TRMT11: variants seen among roughly 807,000 people sequenced by gnomAD.
TRMT11 encodes tRNA (guanine(10)-N(2))-methyltransferase TRMT11.
A neutral mutation model predicts 62.8 loss-of-function variants in TRMT11; 53 were observed. The ratio of observed to expected loss-of-function variants is 0.84; its 90% confidence interval spans 0.68 to 1.06. The LOEUF (loss-of-function observed/expected upper bound fraction) is 1.06, where lower values mean the gene tolerates loss of function less well. Ranked by LOEUF, TRMT11 falls within the 50% of genes least tolerant of loss-of-function variation. The pLI, the probability that TRMT11 is intolerant of heterozygous loss-of-function variation, is 0.00. For missense variants in TRMT11, 556 were observed against 553.4 expected, an observed-to-expected ratio of 1.00 and a Z score of -0.05; for synonymous variants, 188 against 190.3, an observed-to-expected ratio of 0.99 and a Z score of 0.10.
the TRMT11 span, among the ~76,000 whole-genome samples, chr6:126,250,066 A>G: frequency 6.6e-6 from 1 of 152,210 alleles, no homozygotes; most frequent in Non-Finnish European, 1.5e-5. Flanking sequence ...ACAATTTTCA[A>G]TTACTTTTAT....
downstream of TRMT11, among the ~76,000 whole-genome samples, chr6:126,208,084 A>G (rs765035189): frequency 2.0e-5 from 3 of 152,262 alleles, no homozygotes; most frequent in East Asian, 5.8e-4. Context: ...TGAAAAATGC[A>G]TCAGAACATT....
chr6:126,080,727 G>A (rs559407934), intron 17 of TRMT11, among the ~76,000 whole-genome samples: 84 of 152,282 alleles, frequency 5.5e-4, no homozygotes, highest in African/African-American at 2.0e-3. Context: ...TAGCCCACTA[G>A]TTAAAACGGG....
the TRMT11 span, among the ~76,000 whole-genome samples, chr6:126,219,121 CT>C: frequency 6.6e-6 from 1 of 152,330 alleles, no homozygotes; most frequent in African/African-American, 2.4e-5. Flanking sequence ...CATTCCTACC[CT>C]GTTCAGTGCC....
chr6:126,051,002 C>T (rs1183518336), intron 16 of TRMT11, among the ~76,000 whole-genome samples: 1 of 152,124 alleles, frequency 6.6e-6, no homozygotes, highest in Non-Finnish European at 1.5e-5. Context: ...TACAGGGGGC[C>T]CTATGGGAAC....
At chr6:126,258,623 G>A in the TRMT11 span, among the ~76,000 whole-genome samples, 5 of 152,268 alleles carry the variant, frequency 3.3e-5, no homozygotes. Context: ...TGTAATCCAG[G>A]AACTTATCCA....
At chr6:125,995,931 A>C in intron 2 of TRMT11, 36 bp from the exon 3 acceptor site, 1 of 1,318,894 alleles carries the variant, frequency 7.6e-7, no homozygotes, top group South Asian at 1.2e-5. Flanking sequence ...CCATGTAGCC[A>C]CTTAGAATTA....
intron 17 of TRMT11, among the ~76,000 whole-genome samples, chr6:126,078,510 A>G (rs936069304): frequency 4.0e-5 from 6 of 149,862 alleles, no homozygotes; most frequent in African/African-American, 1.5e-4. Flanking sequence ...AGAGGTTTCT[A>G]TTTCATAAGA....
At chr6:126,136,646 A>G (rs896577804) in intron 21 of TRMT11, among the ~76,000 whole-genome samples, 4 of 152,018 alleles carry the variant, frequency 2.6e-5, no homozygotes, top group Admixed American at 6.6e-5. Flanking sequence ...TAGAATTCAC[A>G]TGGAATTACA....
rs985988959 is a variant in TRMT11 at position 126,191,321 on chromosome 6, G to C, written n.144-7478G>C. Among the ~76,000 whole-genome samples, 12 of 151,682 alleles carry C rather than the reference G, an allele frequency of 7.9e-5. No individual in the cohort carries two copies. The East Asian group carries it at 2.1e-3, about 27-fold the overall frequency. The stretch of plus-strand genomic sequence containing the variant: ...TTTTTCTTTTTAGCTATTGAATTGA[G>C]TTCCTCATATATTCTGGTTATTAAC... On this transcript the variant is annotated intron_variant and non_coding_transcript_variant, in intron 1 of 3. Coordinates refer to the TRMT11 transcript ENST00000444229.
intron 16 of TRMT11, among the ~76,000 whole-genome samples, chr6:126,051,977 C>T (rs185891137): frequency 1.6e-4 from 24 of 152,270 alleles, no homozygotes; most frequent in Non-Finnish European, 3.4e-4. Context: ...CCTTCTGTGC[C>T]GTTTTCCCCC....
downstream of TRMT11, among the ~76,000 whole-genome samples, chr6:126,040,738 A>T (rs1019891436): frequency 1.3e-5 from 2 of 152,080 alleles, no homozygotes; most frequent in Non-Finnish European, 2.9e-5. Flanking sequence ...AATGTTTATA[A>T]TATGACAAAA....
chr6:126,217,275 T>C, the TRMT11 span, among the ~76,000 whole-genome samples: 1 of 152,228 alleles, frequency 6.6e-6, no homozygotes, highest in Non-Finnish European at 1.5e-5. Flanking sequence ...TTTTTCTGGA[T>C]GATCTTGATG....
intron 21 of TRMT11, among the ~76,000 whole-genome samples, chr6:126,132,455 G>C (rs545718859): frequency 6.6e-6 from 1 of 152,070 alleles, no homozygotes; most frequent in East Asian, 1.9e-4. Context: ...ACTTGACTTT[G>C]GTTGAGTAAA....
rs112994825 is a variant in TRMT11 at position 126,113,164 on chromosome 6, A to T, written c.*1526+210A>T. On this transcript the variant is annotated intron_variant and NMD_transcript_variant, in intron 18 of 22. Transcript: ENST00000648977. ...ACTAAAGTATAAACAAAGTGGTTTG[A>T]GGGGCGTTATGTTCCCCCATATTGA... Among the ~76,000 whole-genome samples the T allele has an allele frequency of 5.7e-3, 861 of 152,134 alleles. 5 individuals carry two copies. Among genetic ancestry groups the T allele is most frequent in the African/African-American group, 0.02 (814 of 41,534 alleles).
chr6:126,265,483 T>G, the TRMT11 span, among the ~76,000 whole-genome samples: 1 of 151,882 alleles, frequency 6.6e-6, no homozygotes, highest in Admixed American at 6.6e-5. Flanking sequence ...GACTAGCAAC[T>G]GAAACATCTA....
intron 2 of TRMT11, among the ~76,000 whole-genome samples, chr6:125,995,580 T>C (rs1043190357): frequency 6.6e-6 from 1 of 152,204 alleles, no homozygotes; most frequent in Non-Finnish European, 1.5e-5. Context: ...AAAGGTCTCA[T>C]GTAGCAACTA....
chr6:126,197,992 G>C (rs970082385), intron 1 of TRMT11, among the ~76,000 whole-genome samples: 1 of 152,070 alleles, frequency 6.6e-6, no homozygotes, highest in Admixed American at 6.6e-5. Context: ...AATAATAAAA[G>C]CTCCTTATCA....
chr6:126,092,865 A>G (rs1165727475), intron 17 of TRMT11, among the ~76,000 whole-genome samples: 1 of 152,186 alleles, frequency 6.6e-6, no homozygotes, highest in East Asian at 1.9e-4. Flanking sequence ...AATGTGATAT[A>G]CTTTTAATCT....
chr6:126,182,209 A>G (rs1778474449), intron 1 of TRMT11, among the ~76,000 whole-genome samples: 1 of 152,196 alleles, frequency 6.6e-6, no homozygotes, highest in Admixed American at 6.5e-5. Flanking sequence ...TGTAAAGAAT[A>G]TGACTTTTCA....
Sources: allele counts gnomAD v4.1 joint callset (sites outside exome capture counted in the v4.1 genomes callset), GRCh38; gene constraint gnomAD v4.1.1; transcripts MANE v1.5; gene names NCBI Gene and HGNC (gene_info 2026-07-23, HGNC 2026-07-21).